BTBD8: variants seen among roughly 807,000 people sequenced by gnomAD.
The protein encoded by BTBD8 is BTB domain containing 8.
A neutral mutation model predicts 162.9 loss-of-function variants in BTBD8; 110 were observed. The ratio of observed to expected loss-of-function variants is 0.68; its 90% CI spans 0.58 to 0.79. The LOEUF (loss-of-function observed/expected upper bound fraction) is 0.79, where lower values mean the gene tolerates loss of function less well. BTBD8 is among the 30% of genes least tolerant of loss of function. The pLI is 0.00. For missense variants in BTBD8, 1,905 were observed against 2,085.4 expected (o/e 0.91, Z 1.68); for synonymous variants, 667 against 716.1 (o/e 0.93, Z 1.10).
chr1:92,174,915 C>T (rs1279522108), intron 13 of BTBD8, among the ~76,000 whole-genome samples: 8 of 152,126 alleles, frequency 5.3e-5, no homozygotes, highest in Admixed American at 5.2e-4. Flanking sequence ...CACCCACATT[C>T]ATATATGTTA....
intron 4 of BTBD8, among the ~76,000 whole-genome samples, chr1:92,112,970 A>T (rs571724255): frequency 6.6e-6 from 1 of 152,328 alleles, no homozygotes; most frequent in South Asian, 2.1e-4. Context: ...TTCTGCCTGG[A>T]GTAGTGAATC....
At chr1:92,112,685 G>A (rs1458239494) in intron 4 of BTBD8, among the ~76,000 whole-genome samples, 1 of 152,106 alleles carries the variant, frequency 6.6e-6, no homozygotes, top group African/African-American at 2.4e-5. Context: ...CCAGTCCTAT[G>A]AAAGCTATAG....
In BTBD8 at chr1:92,182,000, A is replaced by G. The variant is rs1650924666; in HGVS notation, c.4317A>G (p.Leu1439=). ...SATKKFKRSV[L]LSVDECEELG... is the part of the protein sequence containing the mutation. ...CTAAAAAGTTTAAAAGGTCAGTTTT[A>G]CTTTCAGTCGATGAATGTGAAGAGC... Residue 1439 remains leucine (L), a synonymous_variant, in exon 17 of 18, where the codon TTA becomes TTG. Transcript: ENST00000636805. 5.8e-6 allele frequency: 9 copies of G among 1,551,594 alleles called. No individual in the cohort carries two copies. The highest frequency in any genetic ancestry group is 7.8e-6 in the Non-Finnish European group (9 of 1,146,896).
chr1:92,113,378 G>T (rs1648947352), intron 4 of BTBD8, among the ~76,000 whole-genome samples: 1 of 152,260 alleles, frequency 6.6e-6, no homozygotes, highest in Admixed American at 6.5e-5. Flanking sequence ...TAGGCTAAAT[G>T]TATGTGAGAG....
intron 13 of BTBD8, among the ~76,000 whole-genome samples, chr1:92,176,515 C>G (rs1242941654): frequency 6.6e-6 from 1 of 152,140 alleles, no homozygotes; most frequent in Non-Finnish European, 1.5e-5. Context: ...TCAGGGCATC[C>G]TGAATCTTTA....
intron 1 of BTBD8, among the ~76,000 whole-genome samples, chr1:92,088,269 CTT>C (rs200479279): frequency 6.6e-6 from 1 of 151,288 alleles, no homozygotes; most frequent in Non-Finnish European, 1.5e-5. Flanking sequence ...TAACTATTAA[CTT>C]TTTTTTTGCT....
At position 92,141,253 on chromosome 1, in the gene BTBD8, C is replaced by A; in HGVS notation, c.930+42C>A. On this transcript the variant is annotated intron_variant, in intron 7 of 17. Transcript: ENST00000636805. ...AGAAATCTTTTATCCAGTGCATTGTCACCCATTATTACCTGCTAGATTTTT... is the reference window on the plus strand; with the variant it reads ...AGAAATCTTTTATCCAGTGCATTGTAACCCATTATTACCTGCTAGATTTTT... 1.9e-6 allele frequency: 3 copies of A among 1,543,572 alleles called. No individual in the cohort carries two copies. In the South Asian group the frequency reaches 3.6e-5, roughly 18 times the overall value.
chr1:92,157,225 T>G (rs1439112648), intron 9 of BTBD8, among the ~76,000 whole-genome samples: 2 of 152,178 alleles, frequency 1.3e-5, no homozygotes, highest in Non-Finnish European at 2.9e-5. Context: ...TTTGTTTATT[T>G]TCTAGTCTTC....
At chr1:92,121,506 G>C (rs761451283) in intron 4 of BTBD8, among the ~76,000 whole-genome samples, 56 of 152,124 alleles carry the variant, frequency 3.7e-4, no homozygotes, top group Admixed American at 1.2e-3. Flanking sequence ...CACTAGGGAA[G>C]TTATCTTGGC....
Position 92,184,184 on chromosome 1 carries a change from A to G in BTBD8, c.5233A>G (p.Ile1745Val), listed in dbSNP as rs748295378. The change falls in exon 18 of 18, where the codon ATA becomes GTA. Residue 1745 changes from isoleucine (I) to valine (V), a missense_variant. Physicochemically the swap from Ile to Val is conservative, Grantham distance 29 (BLOSUM62 3). Coordinates refer to ENST00000636805, the MANE Select transcript of BTBD8 (RefSeq NM_001376131.1). ...LARDSSKPQGITHIDTLNRWS... is the reference protein window; with the variant it reads ...LARDSSKPQGVTHIDTLNRWS... The stretch of plus-strand genomic sequence containing the variant: ...ACGAGATAGCTCAAAACCTCAGGGT[A>G]TAACACATATTGACACTTTGAACAG... The G allele has an allele frequency of 1.0e-5, 16 of 1,551,484 alleles. No individual in the cohort carries two copies. The highest frequency in any genetic ancestry group is 7.1e-5 in the South Asian group (6 of 84,068).
At chr1:92,094,893 A>G (rs1648406166) in intron 2 of BTBD8, among the ~76,000 whole-genome samples, 1 of 152,208 alleles carries the variant, frequency 6.6e-6, no homozygotes, top group Non-Finnish European at 1.5e-5. Flanking sequence ...GCACAGAACA[A>G]AGGATATCAT....
intron 4 of BTBD8, among the ~76,000 whole-genome samples, chr1:92,112,165 T>G (rs1269360169): frequency 6.6e-6 from 1 of 152,124 alleles, no homozygotes; most frequent in Non-Finnish European, 1.5e-5. Context: ...ATCCCAGCAC[T>G]CTGGGAGGCT....
intron 4 of BTBD8, chr1:92,115,261 G>A (rs1253972814): frequency 2.1e-6 from 1 of 475,680 alleles, no homozygotes; most frequent in East Asian, 5.1e-5. Flanking sequence ...CTTCTAGATG[G>A]CAGTGATGGC....
chr1:92,139,697 C>G, intron 6 of BTBD8: 1 of 494,818 alleles, frequency 2.0e-6, no homozygotes, highest in Non-Finnish European at 2.8e-6. Context: ...GTTTATAGAT[C>G]AATAAATTGA....
intron 3 of BTBD8, among the ~76,000 whole-genome samples, chr1:92,105,691 A>G (rs1648708260): frequency 6.6e-6 from 1 of 152,260 alleles, no homozygotes; most frequent in African/African-American, 2.4e-5. Context: ...TTGTTAAAAG[A>G]AAAACGTTAG....
chr1:92,138,645 T>A (rs1450566130), intron 5 of BTBD8, among the ~76,000 whole-genome samples: 1 of 152,224 alleles, frequency 6.6e-6, no homozygotes, highest in Non-Finnish European at 1.5e-5. Flanking sequence ...TAACCAGTTG[T>A]TGTCCACCAA....
intron 2 of BTBD8, among the ~76,000 whole-genome samples, chr1:92,092,429 G>A (rs1325238261): frequency 4.0e-5 from 6 of 151,198 alleles, no homozygotes; most frequent in Admixed American, 4.0e-4. Context: ...AGGCACCAGA[G>A]AGCTTGTGTG....
rs1394681313 is a variant in BTBD8, at chr1:92,180,507, C to T, written c.2824C>T (p.Pro942Ser). 2.6e-6 allele frequency: 4 copies of T among 1,550,446 alleles called. No homozygotes were observed. In the South Asian group the frequency reaches 4.8e-5, roughly 19 times the overall value. Residue 942 changes from proline to serine, a missense_variant, in exon 17 of 18, where the codon CCT becomes TCT. Pro to Ser is a moderately conservative substitution (Grantham distance 74). Coordinates refer to ENST00000636805, the MANE Select transcript of BTBD8 (RefSeq NM_001376131.1). ...LNNKDSKQKM[P>S]PGQVISKTQP... ...TAATAAAGATTCAAAACAGAAAATGCCTCCTGGACAGGTTATATCAAAAAC... is the reference window on the plus strand; with the variant it reads ...TAATAAAGATTCAAAACAGAAAATGTCTCCTGGACAGGTTATATCAAAAAC...
rs745712646 is a variant in BTBD8, at chr1:92,177,214, A to T, written c.2021A>T (p.Asn674Ile). 35 of 1,551,924 alleles carry T rather than the reference A, an allele frequency of 2.3e-5. No homozygotes were observed. In the Admixed American group the frequency reaches 6.9e-4, roughly 30 times the overall value. ...GCAGCAGCAGCAACTGGACAGAAGA[A>T]TTTACTAAATGGAAAAGGAGTGAGA... ...TAAAAATGQK[N>I]LLNGKGVRNQ... is the part of the protein sequence containing the mutation. The change falls in exon 14 of 18, where the codon AAT (asparagine) becomes ATT (isoleucine). Residue 674 changes from asparagine to isoleucine, a missense_variant. By Grantham distance (149) the Asn-to-Ile change is moderately radical. Coordinates refer to ENST00000636805, the MANE Select transcript of BTBD8 (RefSeq NM_001376131.1).
Sources: gnomAD v4.1 joint callset for allele counts (sites outside exome capture counted in the v4.1 genomes callset) on GRCh38, gnomAD v4.1.1 for gene constraint, MANE v1.5 for transcripts, NCBI Gene and HGNC (gene_info 2026-07-23, HGNC 2026-07-21) for gene names.